Variants in LARGE1 observed in about 807,000 individuals in gnomAD.
LARGE1 encodes the protein LARGE xylosyl- and glucuronyltransferase 1.
In LARGE1, 43 loss-of-function variants were observed where a neutral mutation model predicts 87.6. The ratio of observed to expected loss-of-function variants is 0.49; its 90% CI spans 0.38 to 0.63. The LOEUF is 0.63. Ranked by LOEUF, LARGE1 falls within the 30% of genes least tolerant of loss-of-function variation. The pLI is 0.00. For missense variants in LARGE1, 802 were observed against 1,000.2 expected (o/e 0.80, Z 2.67); for synonymous variants, 434 against 394.6 (o/e 1.10, Z -1.18).
chr22:33,173,422 C>A (rs1922686626), intron 11 of LARGE1, among the ~76,000 whole-genome samples: 1 of 152,104 alleles, frequency 6.6e-6, no homozygotes, highest in Non-Finnish European at 1.5e-5. Flanking sequence ...AGATCATCGA[C>A]ACTATGAAGA....
rs147569752 is a variant in LARGE1 at position 33,310,205 on chromosome 22, C to T, written c.1452-5698G>A. The stretch of plus-strand genomic sequence containing the variant: ...GGTTCCAGGAGCAGGCTTGAAGCAA[C>T]GCTGTTCTAGAGAGTAGGGCTCTGT... On this transcript the variant is annotated intron_variant, in intron 11 of 14. Transcript: ENST00000397394. 2.7e-3 allele frequency among the ~76,000 whole-genome samples: 406 copies of T among 152,210 alleles called. 1 individual carries two copies. The highest frequency in any genetic ancestry group is 8.4e-3 in the African/African-American group (350 of 41,528).
chr22:33,164,502 T>G (rs1054910615), exon 12 of LARGE1: 16 of 148,664 alleles, frequency 1.1e-4, no homozygotes, highest in Admixed American at 9.9e-4. Context: ...AGATTTTGTT[T>G]TTTTTTTTTA....
At chr22:33,113,848 T>A in the LARGE1 span, among the ~76,000 whole-genome samples, 1 of 151,092 alleles carries the variant, frequency 6.6e-6, no homozygotes, top group Non-Finnish European at 1.5e-5. Flanking sequence ...GTGCCTCAGC[T>A]CCTCTTCTGA....
At position 33,466,892 on chromosome 22, in the gene LARGE1, T is replaced by C. The variant is rs548295558; in HGVS notation, c.788-34627A>G. 2.7e-3 allele frequency among the ~76,000 whole-genome samples: 412 copies of C among 152,124 alleles called. 1 individual carries two copies. Among genetic ancestry groups the C allele is most frequent in the Middle Eastern group, 6.8e-3 (2 of 294 alleles). On this transcript the variant is annotated intron_variant, in intron 6 of 14. Transcript: ENST00000397394. ...AGTCTCTACTAAAAACAAAAAAAATTAGCTGAGCGTGGTGGAGCACGCCTG... is the reference window on the plus strand; with the variant it reads ...AGTCTCTACTAAAAACAAAAAAAATCAGCTGAGCGTGGTGGAGCACGCCTG...
At chr22:33,360,173 C>T (rs915399211) in intron 9 of LARGE1, among the ~76,000 whole-genome samples, 2 of 149,328 alleles carry the variant, frequency 1.3e-5, no homozygotes, top group African/African-American at 2.5e-5. Flanking sequence ...ATTAGCCAGG[C>T]GTAGTGACGT....
intron 4 of LARGE1, among the ~76,000 whole-genome samples, chr22:33,613,733 G>A (rs907402191): frequency 3.9e-5 from 6 of 152,156 alleles, no homozygotes; most frequent in Non-Finnish European, 7.3e-5. Context: ...TAAGCTCCTT[G>A]GGGACAGAGA....
At chr22:33,870,863 C>T (rs765117480) in intron 1 of LARGE1, among the ~76,000 whole-genome samples, 20 of 152,128 alleles carry the variant, frequency 1.3e-4, no homozygotes, top group Non-Finnish European at 2.4e-4. Context: ...CCACCGTGCC[C>T]GGCCTGTCCC....
At chr22:33,514,164 TTAAG>T (rs1209086270) in intron 6 of LARGE1, among the ~76,000 whole-genome samples, 4 of 152,166 alleles carry the variant, frequency 2.6e-5, no homozygotes, top group Non-Finnish European at 5.9e-5. Context: ...ATCCCCATCA[TTAAG>T]TGTCACAGAC....
At chr22:33,155,281 C>T in the LARGE1 span, among the ~76,000 whole-genome samples, 3 of 152,178 alleles carry the variant, frequency 2.0e-5, no homozygotes, top group African/African-American at 7.2e-5. Flanking sequence ...TTGGAGGGCT[C>T]AGAAGAAGAG....
At chr22:33,189,663 G>T (rs1489623731) in intron 11 of LARGE1, among the ~76,000 whole-genome samples, 2 of 152,200 alleles carry the variant, frequency 1.3e-5, no homozygotes, top group Admixed American at 1.3e-4. Context: ...TATGGAGGTT[G>T]TAAGGATGGA....
At chr22:33,921,370 A>G (rs1414682084), upstream of LARGE1, among the ~76,000 whole-genome samples, 1 of 152,158 alleles carries the variant, frequency 6.6e-6, no homozygotes, top group South Asian at 2.1e-4. The surrounding 1 kb of genome is among the most constrained non-coding windows in gnomAD (Gnocchi z 4.1). Flanking sequence ...GCCTCGCGGA[A>G]AAAGGGGGAA....
chr22:33,252,485 A>G (rs1927057660), intron 11 of LARGE1, among the ~76,000 whole-genome samples: 1 of 152,134 alleles, frequency 6.6e-6, no homozygotes, highest in Admixed American at 6.5e-5. Context: ...AATTCATTTA[A>G]AGCATATTAA....
intron 2 of LARGE1, among the ~76,000 whole-genome samples, chr22:33,752,076 C>T (rs1412483000): frequency 5.3e-5 from 8 of 152,172 alleles, no homozygotes; most frequent in Admixed American, 2.0e-4. Context: ...GCCACCACAC[C>T]CAGCCCCACT....
intron 7 of LARGE1, among the ~76,000 whole-genome samples, chr22:33,427,319 T>C (rs1488043638): frequency 1.3e-5 from 2 of 152,190 alleles, no homozygotes; most frequent in Non-Finnish European, 2.9e-5. Context: ...TGGTTATCCA[T>C]CCGAAGCTGC....
intron 1 of LARGE1, chr22:33,889,367 T>G (rs532495627): frequency 1.3e-5 from 2 of 152,384 alleles, no homozygotes; most frequent in Admixed American, 6.5e-5. Flanking sequence ...GCGCCATTTA[T>G]GACATCTTTT....
At chr22:33,551,798 T>C (rs1478618504) in intron 6 of LARGE1, among the ~76,000 whole-genome samples, 1 of 151,904 alleles carries the variant, frequency 6.6e-6, no homozygotes, top group Non-Finnish European at 1.5e-5. Context: ...GCAGCTGATG[T>C]TAAAAGTTAT....
At chr22:33,397,096 C>T (rs780886657) in intron 7 of LARGE1, among the ~76,000 whole-genome samples, 1 of 152,084 alleles carries the variant, frequency 6.6e-6, no homozygotes, top group Non-Finnish European at 1.5e-5. Context: ...TACCCAATAT[C>T]TTGCCATCAT....
chr22:33,471,026 CTTCT>C (rs2068814262), intron 6 of LARGE1, among the ~76,000 whole-genome samples: 2 of 137,792 alleles, frequency 1.5e-5, no homozygotes, highest in South Asian at 2.3e-4. Flanking sequence ...CTTTCTTCTT[CTTCT>C]TTTTTTTTTT....
At chr22:33,814,790 A>G (rs2086602048) in intron 1 of LARGE1, among the ~76,000 whole-genome samples, 1 of 152,064 alleles carries the variant, frequency 6.6e-6, no homozygotes, top group African/African-American at 2.4e-5. Flanking sequence ...ATTTCTCTGG[A>G]GAACCCTGAC....
Sources: allele counts gnomAD v4.1 joint callset (sites outside exome capture counted in the v4.1 genomes callset), GRCh38; gene constraint gnomAD v4.1.1; non-coding constraint Gnocchi (gnomAD v3.1); transcripts MANE v1.5; gene names NCBI Gene and HGNC (gene_info 2026-07-23, HGNC 2026-07-21).